DNM3: variants seen among roughly 807,000 people sequenced by gnomAD.
DNM3 encodes dynamin 3.
DNM3 carries 47 observed loss-of-function variants against 101.6 expected under a neutral mutation model. The ratio of observed to expected loss-of-function variants is 0.46; its 90% CI spans 0.37 to 0.59. The LOEUF (loss-of-function observed/expected upper bound fraction) is 0.59. Among genes scored for constraint, DNM3 ranks in the 20% least tolerant of loss-of-function variants. The pLI is 0.00. For synonymous variants in DNM3, 385 were observed against 387.9 expected (o/e 0.99, Z 0.09); for missense variants, 849 against 1,085.7 (o/e 0.78, Z 3.06).
intron 14 of DNM3, among the ~76,000 whole-genome samples, chr1:172,204,485 A>T (rs1287779475): frequency 1.3e-5 from 2 of 152,108 alleles, no homozygotes; most frequent in Non-Finnish European, 2.9e-5. Context: ...AACAACTTGC[A>T]GGCCTCTGAA....
At chr1:172,261,701 C>T (rs2062659534) in intron 15 of DNM3, among the ~76,000 whole-genome samples, 2 of 152,218 alleles carry the variant, frequency 1.3e-5, no homozygotes, top group Non-Finnish European at 2.9e-5. Flanking sequence ...AAGTGGTCCA[C>T]CCCTGTGGTA....
intron 20 of DNM3, among the ~76,000 whole-genome samples, chr1:172,400,129 T>A (rs1049800713): frequency 1.3e-5 from 2 of 152,120 alleles, no homozygotes; most frequent in African/African-American, 4.8e-5. Flanking sequence ...CTATCCTTTC[T>A]TCTTTTTCCT....
At chr1:172,169,583 T>A (rs887793206) in intron 14 of DNM3, among the ~76,000 whole-genome samples, 1 of 151,964 alleles carries the variant, frequency 6.6e-6, no homozygotes, top group Non-Finnish European at 1.5e-5. Flanking sequence ...TTGTAGTTAA[T>A]ATAAGCCTTT....
At chr1:172,070,020 G>C (rs1427353221) in intron 11 of DNM3, among the ~76,000 whole-genome samples, 1 of 152,152 alleles carries the variant, frequency 6.6e-6, no homozygotes, top group African/African-American at 2.4e-5. Context: ...CAGAGGGATG[G>C]AGACCCAGCA....
chr1:172,133,377 A>G, intron 14 of DNM3: 1 of 991,136 alleles, frequency 1.0e-6, no homozygotes, highest in Non-Finnish European at 1.2e-6. Flanking sequence ...ATAAATATGC[A>G]CAGTTATAAT....
intron 20 of DNM3, among the ~76,000 whole-genome samples, chr1:172,389,659 T>A (rs1271049222): frequency 6.6e-6 from 1 of 152,202 alleles, no homozygotes; most frequent in Non-Finnish European, 1.5e-5. Context: ...AGTTAATTTT[T>A]AAAAAATTCA....
At chr1:172,045,452 G>C (rs1423361019) in intron 9 of DNM3, among the ~76,000 whole-genome samples, 1 of 152,002 alleles carries the variant, frequency 6.6e-6, no homozygotes, top group East Asian at 1.9e-4. Flanking sequence ...TAGCTCTCTG[G>C]CCTCTTCTTA....
intron 17 of DNM3, among the ~76,000 whole-genome samples, chr1:172,357,294 A>G (rs1248321503): frequency 1.3e-5 from 2 of 152,128 alleles, no homozygotes; most frequent in African/African-American, 2.4e-5. Context: ...ATTAATTTCA[A>G]AGGAGAAAAA....
At chr1:172,163,278 A>G (rs1572783363) in intron 14 of DNM3, among the ~76,000 whole-genome samples, 1 of 144,682 alleles carries the variant, frequency 6.9e-6, no homozygotes, top group Non-Finnish European at 1.5e-5. Flanking sequence ...TCACTCCGTC[A>G]CCCAGGCTGG....
At chr1:172,288,849 A>G (rs1189834230) in intron 15 of DNM3, among the ~76,000 whole-genome samples, 1 of 152,192 alleles carries the variant, frequency 6.6e-6, no homozygotes, top group Non-Finnish European at 1.5e-5. Context: ...GATGTCTGGC[A>G]TTTATTAGCG....
chr1:171,843,748 TC>T (rs2031636407), intron 1 of DNM3, among the ~76,000 whole-genome samples: 1 of 152,068 alleles, frequency 6.6e-6, no homozygotes, highest in African/African-American at 2.4e-5. Flanking sequence ...TGTACACATC[TC>T]CCCACACTAG....
At chr1:171,906,274 C>A (rs990336642) in intron 1 of DNM3, among the ~76,000 whole-genome samples, 1 of 151,692 alleles carries the variant, frequency 6.6e-6, no homozygotes, top group South Asian at 2.1e-4. Context: ...ACCAAAGGCA[C>A]GTGCCACCAC....
At chr1:172,123,043 T>A (rs2056413905) in intron 13 of DNM3, among the ~76,000 whole-genome samples, 1 of 152,090 alleles carries the variant, frequency 6.6e-6, no homozygotes, top group Non-Finnish European at 1.5e-5. Flanking sequence ...AAAAATGGAG[T>A]CAAATTATTA....
intron 4 of DNM3, among the ~76,000 whole-genome samples, chr1:172,003,978 C>T (rs1389818381): frequency 6.6e-6 from 1 of 152,020 alleles, no homozygotes; most frequent in East Asian, 1.9e-4. Context: ...CCCAAAACCA[C>T]TCAGCAGCTG....
intron 16 of DNM3, chr1:172,309,102 C>G: frequency 2.8e-6 from 1 of 363,560 alleles, no homozygotes; most frequent in Non-Finnish European, 4.9e-6. Flanking sequence ...AATCTCAGCT[C>G]AAGACAAAGT....
chr1:172,244,033 A>C (rs1573104863), intron 14 of DNM3, among the ~76,000 whole-genome samples: 1 of 151,870 alleles, frequency 6.6e-6, no homozygotes, highest in Non-Finnish European at 1.5e-5. Flanking sequence ...ACCCCACAAC[A>C]GTCCCCAGAG....
At chr1:171,895,203 G>A (rs1013969108) in intron 1 of DNM3, among the ~76,000 whole-genome samples, 1 of 152,184 alleles carries the variant, frequency 6.6e-6, no homozygotes, top group Non-Finnish European at 1.5e-5. Flanking sequence ...GATCCTTGAG[G>A]AATTGCCCAC....
chr1:171,908,472 G>A (rs546424122), intron 1 of DNM3, among the ~76,000 whole-genome samples: 1 of 151,994 alleles, frequency 6.6e-6, no homozygotes, highest in Non-Finnish European at 1.5e-5. Flanking sequence ...ATTAGAAGTG[G>A]TTTTTTCCAT....
At chr1:171,938,031 G>T (rs950853492) in intron 2 of DNM3, among the ~76,000 whole-genome samples, 3 of 147,044 alleles carry the variant, frequency 2.0e-5, no homozygotes, top group African/African-American at 2.5e-5. Flanking sequence ...TTTTAATAGA[G>T]TTTTTTTTTT....
Sources: gnomAD v4.1 joint callset for allele counts (sites outside exome capture counted in the v4.1 genomes callset) on GRCh38, gnomAD v4.1.1 for gene constraint, MANE v1.5 for transcripts, NCBI Gene and HGNC (gene_info 2026-07-23, HGNC 2026-07-21) for gene names.